The following EYS variants were observed in gnomAD, a reference collection of about 807,000 sequenced individuals.
EYS encodes the protein EGF-like photoreceptor maintenance factor, also known as protein eyes shut homolog.
EYS carries 250 observed loss-of-function variants against 282.1 expected under a neutral mutation model. That is an observed-to-expected ratio of 0.89 (90% CI 0.80 to 0.98). The LOEUF (loss-of-function observed/expected upper bound fraction) is 0.98. Ranked by LOEUF, EYS falls within the 50% of genes least tolerant of loss-of-function variation. The pLI is 0.00. For missense variants in EYS, 4,016 were observed against 3,709.0 expected (o/e 1.08, Z -2.15); for synonymous variants, 1,355 against 1,282.9 (o/e 1.06, Z -1.20).
chr6:64,735,719 G>A (rs535491530), intron 22 of EYS, among the ~76,000 whole-genome samples: 2 of 152,120 alleles, frequency 1.3e-5, no homozygotes, highest in Non-Finnish European at 2.9e-5. Context: ...ACAATTGATG[G>A]ATAGTGTCTG....
At position 65,649,603 on chromosome 6, in the gene EYS, A is replaced by T. The variant is rs1767581017; in HGVS notation, c.-447-9711T>A. Reference sequence around the variant, plus strand: ...CATGAAATGCTGATACATGCAAAATAGAACTCCATTTGTAATTTCTTTAAA... The same window carrying T: ...CATGAAATGCTGATACATGCAAAATTGAACTCCATTTGTAATTTCTTTAAA... On this transcript the variant is annotated intron_variant, in intron 1 of 42. Coordinates refer to ENST00000503581, the MANE Select transcript of EYS (RefSeq NM_001142800.2). Among the ~76,000 whole-genome samples the T allele has an allele frequency of 3.3e-5, 5 of 152,260 alleles. No individual in the cohort carries two copies. The South Asian group carries it at 1.0e-3, about 31-fold the overall frequency.
intron 35 of EYS, among the ~76,000 whole-genome samples, chr6:63,953,783 C>T (rs1192954382): frequency 1.3e-5 from 2 of 152,174 alleles, no homozygotes; most frequent in African/African-American, 4.8e-5. Flanking sequence ...TTACACACAG[C>T]TGAAATACAG....
At chr6:65,191,870 A>T (rs544217928) in intron 12 of EYS, among the ~76,000 whole-genome samples, 1 of 151,974 alleles carries the variant, frequency 6.6e-6, no homozygotes, top group African/African-American at 2.4e-5. Context: ...GCCTTGTGCC[A>T]TTTACAACTG....
chr6:65,004,806 C>T (rs1247824748), intron 13 of EYS, among the ~76,000 whole-genome samples: 1 of 147,864 alleles, frequency 6.8e-6, no homozygotes, highest in Non-Finnish European at 1.5e-5. Context: ...CTCTCCCTTT[C>T]CCTCTACATT....
intron 26 of EYS, among the ~76,000 whole-genome samples, chr6:64,528,066 A>C (rs1409286518): frequency 6.6e-6 from 1 of 151,908 alleles, no homozygotes; most frequent in Non-Finnish European, 1.5e-5. Flanking sequence ...GTAGAAAATT[A>C]GGTCATATGG....
intron 12 of EYS, among the ~76,000 whole-genome samples, chr6:65,232,686 T>G (rs1766814726): frequency 6.6e-6 from 1 of 152,094 alleles, no homozygotes; most frequent in African/African-American, 2.4e-5. Flanking sequence ...TTAGCTTCTG[T>G]TTTTACCTAA....
At position 64,032,090 on chromosome 6, in the gene EYS, G is replaced by A. The variant is rs970431871; in HGVS notation, c.6726-32907C>T. Among the ~76,000 whole-genome samples the A allele has an allele frequency of 1.2e-4, 18 of 152,248 alleles. No individual in the cohort carries two copies. The South Asian group carries it at 2.3e-3, about 19-fold the overall frequency. ...CAGCGAGACCACGAACTCACCGGGA[G>A]GAATGAACAACTCCAGACGTGCCAC... On this transcript the variant is annotated intron_variant, in intron 33 of 42. Transcript: ENST00000503581.
intron 25 of EYS, 122 bp from the exon 26 acceptor site, chr6:64,592,111 A>T (rs1485959690): frequency 3.5e-6 from 2 of 576,364 alleles, no homozygotes; most frequent in Admixed American, 3.6e-5. Flanking sequence ...GTAGACAAAT[A>T]TGGTTCTGTA....
chr6:65,608,997 C>A (rs929882401), intron 2 of EYS, among the ~76,000 whole-genome samples: 6 of 151,918 alleles, frequency 3.9e-5, no homozygotes, highest in Non-Finnish European at 1.5e-5. Flanking sequence ...ACAGTTAAAT[C>A]TTTTTTAATA....
intron 22 of EYS, among the ~76,000 whole-genome samples, chr6:64,686,914 C>T (rs1770165953): frequency 9.2e-6 from 1 of 108,948 alleles, no homozygotes; most frequent in African/African-American, 3.3e-5. Context: ...TATATATACA[C>T]ACATATATAT....
At chr6:64,686,765 G>GTATA (rs1309346583) in intron 22 of EYS, among the ~76,000 whole-genome samples, 3 of 12,952 alleles carry the variant, frequency 2.3e-4, no homozygotes, top group East Asian at 1.5e-3. Flanking sequence ...ATATATATGT[G>GTATA]TGTATATATA....
chr6:63,868,803 C>T (rs1026523489), intron 35 of EYS, among the ~76,000 whole-genome samples: 1 of 152,174 alleles, frequency 6.6e-6, no homozygotes, highest in African/African-American at 2.4e-5. Flanking sequence ...CTGCAAGAAT[C>T]TTCCTTAAAA....
At chr6:64,268,379 T>TA (rs1767829429) in intron 30 of EYS, among the ~76,000 whole-genome samples, 1 of 152,088 alleles carries the variant, frequency 6.6e-6, no homozygotes, top group South Asian at 2.1e-4. Flanking sequence ...GGAATAGAGA[T>TA]AGAGTTCTGA....
At chr6:63,807,287 C>T (rs1057159538) in intron 36 of EYS, among the ~76,000 whole-genome samples, 3 of 151,926 alleles carry the variant, frequency 2.0e-5, no homozygotes, top group Admixed American at 1.3e-4. Context: ...GGGGACAGCT[C>T]GGTTGAGGAA....
At chr6:64,397,938 A>G (rs903573779) in intron 28 of EYS, among the ~76,000 whole-genome samples, 6 of 151,964 alleles carry the variant, frequency 3.9e-5, no homozygotes, top group Admixed American at 2.6e-4. Context: ...AATATTTTCT[A>G]ATTTCCTTTG....
At chr6:64,792,295 A>G (rs147198609) in intron 22 of EYS, among the ~76,000 whole-genome samples, 78 of 152,130 alleles carry the variant, frequency 5.1e-4, no homozygotes, top group African/African-American at 1.7e-3. Context: ...TCTGTAACTC[A>G]TAATGTTCTG....
chr6:63,781,840 G>T (rs1344125202), intron 39 of EYS, among the ~76,000 whole-genome samples: 1 of 152,084 alleles, frequency 6.6e-6, no homozygotes, highest in Non-Finnish European at 1.5e-5. Context: ...TTTTCAAAGG[G>T]GATCCTTTCA....
rs546050723 is a variant in EYS, at chr6:64,196,636, T to C, written c.6424+33956A>G. ...GGAAATCATCATTCTCAGTAAACTA[T>C]CACAAGAACAAAAAACCAAACACCG... On this transcript the variant is annotated intron_variant, in intron 31 of 42. Coordinates refer to ENST00000503581, the MANE Select transcript of EYS (RefSeq NM_001142800.2). 1.3e-4 allele frequency among the ~76,000 whole-genome samples: 19 copies of C among 150,382 alleles called. No homozygotes were observed. In the East Asian group the frequency reaches 3.7e-3, roughly 30 times the overall value.
intron 14 of EYS, among the ~76,000 whole-genome samples, chr6:64,968,575 G>A (rs1458634047): frequency 5.9e-5 from 9 of 152,044 alleles, no homozygotes; most frequent in African/African-American, 1.4e-4. Flanking sequence ...ATAGATGCTC[G>A]AAGCAGTATT....
Sources: gnomAD v4.1 joint callset for allele counts (sites outside exome capture counted in the v4.1 genomes callset) on GRCh38, gnomAD v4.1.1 for gene constraint, MANE v1.5 for transcripts, NCBI Gene and HGNC (gene_info 2026-07-23, HGNC 2026-07-21) for gene names.